Variants in OR5V1 observed in about 807,000 individuals in gnomAD.
OR5V1 encodes the protein olfactory receptor 5V1.
For missense variants in OR5V1, 365 were observed against 371.5 expected, an observed-to-expected ratio of 0.98 and a Z score of 0.14; for synonymous variants, 134 against 143.2, an observed-to-expected ratio of 0.94 and a Z score of 0.46.
chr6:29,355,949 C>T lies in OR5V1; in HGVS notation c.247G>A (p.Val83Met), dbSNP rs1304793944. The stretch of plus-strand genomic sequence containing the variant: ...CTTTTTTTCTTTGAGAGGAGGTGCA[C>T]CATCATCTGGGGGACATTGCTGGTG... ...YTTSNVPQMM[V>M]HLLSKKKSIS... Residue 83 changes from valine to methionine, a missense_variant, in exon 2 of 2, where the codon GTG (valine) becomes ATG (methionine). Physicochemically the swap from Val to Met is conservative, Grantham distance 21. Coordinates refer to ENST00000641768, the MANE Select transcript of OR5V1 (RefSeq NM_030876.6). The T allele has an allele frequency of 6.2e-7, 1 of 1,613,992 alleles. No homozygotes were observed.
chr6:29,356,637 C>T (rs1014638024), intron 1 of OR5V1, among the ~76,000 whole-genome samples: 10 of 151,900 alleles, frequency 6.6e-5, no homozygotes, highest in African/African-American at 1.9e-4. Context: ...CATACTTCAA[C>T]GTTAATATAA....
intron 1 of OR5V1, among the ~76,000 whole-genome samples, chr6:29,363,254 A>G (rs547225838): frequency 6.6e-6 from 1 of 152,352 alleles, no homozygotes; most frequent in South Asian, 2.1e-4. Context: ...ACCAGGAAGA[A>G]GTCGAATCCC....
intron 1 of OR5V1, among the ~76,000 whole-genome samples, chr6:29,357,357 G>A (rs533162941): frequency 2.6e-5 from 4 of 152,132 alleles, no homozygotes; most frequent in Non-Finnish European, 4.4e-5. Context: ...AAGATGTCAC[G>A]CAGCTAGCAG....
intron 1 of OR5V1, among the ~76,000 whole-genome samples, chr6:29,362,332 A>G (rs1191018030): frequency 6.6e-6 from 1 of 152,184 alleles, no homozygotes; most frequent in Non-Finnish European, 1.5e-5. Context: ...CCATACAATA[A>G]TAATGGAAGA....
chr6:29,365,199 G>A (rs762541190), intron 1 of OR5V1, among the ~76,000 whole-genome samples: 3 of 151,786 alleles, frequency 2.0e-5, no homozygotes, highest in Non-Finnish European at 4.4e-5. Flanking sequence ...ACAAACCCTA[G>A]AAGAAAACCT....
intron 1 of OR5V1, among the ~76,000 whole-genome samples, chr6:29,366,325 TAAAAAAAAAA>T (rs34270802): frequency 1.6e-5 from 2 of 125,696 alleles, no homozygotes; most frequent in African/African-American, 3.0e-5. Flanking sequence ...TAAAGTATAT[TAAAAAAAAAA>T]AAAAAAAAAG....
chr6:29,367,910 C>T (rs1778932681), intron 1 of OR5V1, among the ~76,000 whole-genome samples: 1 of 152,132 alleles, frequency 6.6e-6, no homozygotes, highest in Non-Finnish European at 1.5e-5. Context: ...ACAAGGACAA[C>T]TGAGAAAATG....
chr6:29,362,394 C>A (rs576021654), intron 1 of OR5V1, among the ~76,000 whole-genome samples: 15 of 152,288 alleles, frequency 9.8e-5, no homozygotes, highest in African/African-American at 3.6e-4. Flanking sequence ...AGAAAATTAT[C>A]AAGAATATTC....
intron 1 of OR5V1, among the ~76,000 whole-genome samples, chr6:29,365,630 A>C (rs115321434): frequency 0.018 from 2,774 of 152,224 alleles, 37 homozygotes; most frequent in East Asian, 0.032. Flanking sequence ...GTTTGAATGG[A>C]AATCATTAAA....
chr6:29,366,077 TC>T (rs1778840579), intron 1 of OR5V1, among the ~76,000 whole-genome samples: 2 of 152,134 alleles, frequency 1.3e-5, no homozygotes. Flanking sequence ...CACTACATGT[TC>T]TCACTCATAA....
Position 29,355,953 on chromosome 6 carries a change from C to A in OR5V1, c.243G>T (p.Met81Ile), listed in dbSNP as rs1234246105. Residue 81 changes from methionine (M) to isoleucine (I), a missense_variant, in exon 2 of 2, where the codon ATG becomes ATT. By Grantham distance (10) the Met-to-Ile change is conservative (BLOSUM62 1). Transcript: ENST00000641768. Reference sequence around the variant, plus strand: ...TTTTCTTTGAGAGGAGGTGCACCATCATCTGGGGGACATTGCTGGTGGTGT... The same window carrying A: ...TTTTCTTTGAGAGGAGGTGCACCATAATCTGGGGGACATTGCTGGTGGTGT... Reference protein sequence around the residue: ...ICYTTSNVPQMMVHLLSKKKS... With the variant: ...ICYTTSNVPQIMVHLLSKKKS... 6.2e-7 allele frequency: 1 copy of A among 1,613,940 alleles called. No individual in the cohort carries two copies. The highest frequency in any genetic ancestry group is 1.3e-5 in the African/African-American group (1 of 74,912).
At chr6:29,362,166 C>A (rs1049659846) in intron 1 of OR5V1, among the ~76,000 whole-genome samples, 2 of 151,898 alleles carry the variant, frequency 1.3e-5, no homozygotes, top group African/African-American at 4.8e-5. Context: ...GAATTTAAAC[C>A]GACAGAGATC....
chr6:29,367,811 G>A (rs1778925962), intron 1 of OR5V1, among the ~76,000 whole-genome samples: 1 of 152,160 alleles, frequency 6.6e-6, no homozygotes, highest in African/African-American at 2.4e-5. Context: ...CAAAGCACAA[G>A]TATTTCACAC....
chr6:29,355,938 G>T lies in OR5V1; in HGVS notation c.258C>A (p.Leu86=). The T allele has an allele frequency of 6.2e-7, 1 of 1,614,010 alleles. No individual in the cohort carries two copies. The highest frequency in any genetic ancestry group is 1.7e-5 in the Admixed American group (1 of 59,982). Residue 86 remains leucine, a synonymous_variant, in exon 2 of 2, where the codon CTC becomes CTA. Coordinates refer to ENST00000641768, the MANE Select transcript of OR5V1 (RefSeq NM_030876.6). ...CATAAGAAATGCTTTTTTTCTTTGA[G>T]AGGAGGTGCACCATCATCTGGGGGA... ...SNVPQMMVHL[L]SKKKSISYVG...
In OR5V1 at chr6:29,353,916, A is replaced by G. The variant is rs1042104628; in HGVS notation, c.*1314T>C. 1 of 152,120 alleles carries G rather than the reference A, an allele frequency of 6.6e-6. No individual in the cohort carries two copies. Among genetic ancestry groups the G allele is most frequent in the African/African-American group, 2.4e-5 (1 of 41,450 alleles). The allele number at this position is 152,120 out of a possible 1,614,324, so 9.4% of individuals were successfully genotyped here. A position where few individuals can be genotyped will look rare whatever the true frequency, so the allele number is the denominator to read the frequency against. ...TAGAGTTTATTAAAACAAAAACAGT[A>G]TAGGAGACTGTACATAACACCATGT... On this transcript the variant is annotated 3_prime_UTR_variant, in exon 2 of 2. Coordinates refer to ENST00000641768, the MANE Select transcript of OR5V1 (RefSeq NM_030876.6).
intron 1 of OR5V1, among the ~76,000 whole-genome samples, chr6:29,363,305 T>C (rs888837803): frequency 6.6e-6 from 1 of 152,044 alleles, no homozygotes; most frequent in African/African-American, 2.4e-5. Flanking sequence ...AGGCAGTAAT[T>C]AGTAGCCTAA....
At chr6:29,356,667 T>C (rs1778325451) in intron 1 of OR5V1, among the ~76,000 whole-genome samples, 1 of 152,198 alleles carries the variant, frequency 6.6e-6, no homozygotes, top group Non-Finnish European at 1.5e-5. Context: ...TATATTCTTT[T>C]CCGATTAAAA....
At chr6:29,365,779 T>C (rs1562934844) in intron 1 of OR5V1, among the ~76,000 whole-genome samples, 1 of 152,196 alleles carries the variant, frequency 6.6e-6, no homozygotes, top group South Asian at 2.1e-4. Context: ...AGAAATACTA[T>C]TTAACCCAGC....
In OR5V1 at chr6:29,359,258, C is replaced by A. The variant is rs567249210; in HGVS notation, c.-82-2981G>T. The stretch of plus-strand genomic sequence containing the variant: ...TACCCAGTTCACATGCCCACACACA[C>A]TAAAAACGCACACGCACACAATGAA... On this transcript the variant is annotated intron_variant, in intron 1 of 1. Coordinates refer to ENST00000641768, the MANE Select transcript of OR5V1 (RefSeq NM_030876.6). Among the ~76,000 whole-genome samples, 16 of 152,278 alleles carry A rather than the reference C, an allele frequency of 1.1e-4. No homozygotes were observed. In the East Asian group the frequency reaches 3.1e-3, roughly 29 times the overall value.
Sources: allele counts gnomAD v4.1 joint callset (sites outside exome capture counted in the v4.1 genomes callset), GRCh38; gene constraint gnomAD v4.1.1; transcripts MANE v1.5; gene names NCBI Gene and HGNC (gene_info 2026-07-23, HGNC 2026-07-21).